RAB28: variants seen among roughly 807,000 people sequenced by gnomAD.
RAB28 encodes the protein ras-related protein Rab-28.
A neutral mutation model predicts 31.7 loss-of-function variants in RAB28; 24 were observed. That is an observed-to-expected ratio of 0.76 (90% CI 0.55 to 1.06). The LOEUF (loss-of-function observed/expected upper bound fraction) is 1.06. Ranked by LOEUF, RAB28 falls within the 50% of genes least tolerant of loss-of-function variation. The pLI is 0.00. For synonymous variants in RAB28, 100 were observed against 90.4 expected (o/e 1.11, Z -0.60); for missense variants, 254 against 258.5 (o/e 0.98, Z 0.12).
In RAB28 at chr4:13,457,578, G is replaced by A. The variant is rs1715363152; in HGVS notation, c.391+3121C>T. Among the ~76,000 whole-genome samples, 2 of 150,664 alleles carry A rather than the reference G, an allele frequency of 1.3e-5. 1 individual carries two copies. Among genetic ancestry groups the A allele is most frequent in the Middle Eastern group, 7.2e-3 (2 of 278 alleles). On this transcript the variant is annotated intron_variant, in intron 4 of 6. Coordinates refer to ENST00000330852, the MANE Select transcript of RAB28 (RefSeq NM_001017979.3). ...AGTGTATTATAAATACATACAAAGG[G>A]GTTATAGCTATGCCAAAAGTAAAAA...
chr4:13,468,279 A>AT (rs1715961724), intron 3 of RAB28, among the ~76,000 whole-genome samples: 1 of 151,986 alleles, frequency 6.6e-6, no homozygotes, highest in Non-Finnish European at 1.5e-5. Flanking sequence ...TATTCATTAG[A>AT]ATACGTACTA....
intron 3 of RAB28, among the ~76,000 whole-genome samples, chr4:13,467,078 A>AT (rs555866011): frequency 1.5e-4 from 23 of 151,404 alleles, no homozygotes; most frequent in Admixed American, 3.3e-4. Flanking sequence ...AGATATAAAG[A>AT]TTTTTTTTTG....
chr4:13,482,004 AAAG>A (rs757468949), intron 1 of RAB28, among the ~76,000 whole-genome samples: 216 of 152,270 alleles, frequency 1.4e-3, no homozygotes, highest in Non-Finnish European at 1.4e-3. Context: ...AAGAATAATG[AAAG>A]AAGGTTAGGT....
intron 3 of RAB28, among the ~76,000 whole-genome samples, chr4:13,469,024 A>G (rs1577244240): frequency 6.6e-6 from 1 of 151,968 alleles, no homozygotes; most frequent in Non-Finnish European, 1.5e-5. Context: ...CAGGGCCTCT[A>G]CTCACCAGCC....
At chr4:13,479,726 G>A (rs1199706553) in intron 1 of RAB28, among the ~76,000 whole-genome samples, 200 bp from the exon 2 acceptor site, 1 of 151,436 alleles carries the variant, frequency 6.6e-6, no homozygotes, top group Non-Finnish European at 1.5e-5. Context: ...TATCGGTAGG[G>A]ACAACGAACT....
intron 4 of RAB28, among the ~76,000 whole-genome samples, chr4:13,457,522 C>T (rs1461401452): frequency 6.6e-6 from 1 of 151,186 alleles, no homozygotes; most frequent in Non-Finnish European, 1.5e-5. Context: ...TGTGTGACTG[C>T]ATACACTAAT....
chr4:13,471,652 CCA>C (rs1353695243), intron 3 of RAB28, among the ~76,000 whole-genome samples: 1 of 152,000 alleles, frequency 6.6e-6, no homozygotes, highest in Non-Finnish European at 1.5e-5. Flanking sequence ...CAGGTGCCTG[CCA>C]CCATGACCTA....
intron 4 of RAB28, among the ~76,000 whole-genome samples, chr4:13,426,837 C>T (rs1347328587): frequency 6.6e-6 from 1 of 152,180 alleles, no homozygotes; most frequent in South Asian, 2.1e-4. Context: ...GTAACCTTTA[C>T]TCTCAAGATT....
intron 4 of RAB28, among the ~76,000 whole-genome samples, chr4:13,391,762 A>G (rs1030366765): frequency 1.6e-4 from 25 of 152,156 alleles, no homozygotes; most frequent in African/African-American, 6.0e-4. Flanking sequence ...GCAGGGACAC[A>G]GATGAAGCTG....
intron 4 of RAB28, among the ~76,000 whole-genome samples, chr4:13,395,098 T>C (rs888563673): frequency 6.6e-6 from 1 of 152,200 alleles, no homozygotes; most frequent in Non-Finnish European, 1.5e-5. Context: ...ACATCAACTT[T>C]AGGGATGAAT....
At chr4:13,431,948 T>C (rs913438833) in intron 4 of RAB28, among the ~76,000 whole-genome samples, 1 of 152,066 alleles carries the variant, frequency 6.6e-6, no homozygotes, top group Non-Finnish European at 1.5e-5. Context: ...CCTAACCAGA[T>C]TGAAATGTCT....
chr4:13,459,767 T>C (rs1715493984), intron 4 of RAB28: 2 of 1,109,268 alleles, frequency 1.8e-6, no homozygotes, highest in Non-Finnish European at 2.2e-6. Flanking sequence ...ACAATGCATA[T>C]AAAATTCCAA....
chr4:13,392,096 A>T (rs1301121256), intron 4 of RAB28, among the ~76,000 whole-genome samples: 2 of 152,158 alleles, frequency 1.3e-5, no homozygotes, highest in East Asian at 1.9e-4. Flanking sequence ...TAATTTTTTA[A>T]AAAATTCTGA....
intron 1 of RAB28, among the ~76,000 whole-genome samples, chr4:13,481,376 C>T (rs971325563): frequency 1.3e-5 from 2 of 152,034 alleles, no homozygotes; most frequent in Non-Finnish European, 2.9e-5. Flanking sequence ...CAGTGGGGGT[C>T]ACTTTCTCTT....
chr4:13,455,018 A>G (rs1389819533), intron 4 of RAB28, among the ~76,000 whole-genome samples: 1 of 152,162 alleles, frequency 6.6e-6, no homozygotes, highest in East Asian at 1.9e-4. Flanking sequence ...TGGCTAGCCT[A>G]GGAGGATATT....
At chr4:13,466,625 A>G (rs529572148) in intron 3 of RAB28, among the ~76,000 whole-genome samples, 1 of 152,014 alleles carries the variant, frequency 6.6e-6, no homozygotes, top group African/African-American at 2.4e-5. Flanking sequence ...ATTATGGGAA[A>G]CTGTATGGAG....
intron 6 of RAB28, among the ~76,000 whole-genome samples, chr4:13,372,274 C>G (rs1453777902): frequency 1.3e-5 from 2 of 152,012 alleles, no homozygotes; most frequent in Non-Finnish European, 2.9e-5. Context: ...GATTACAGAA[C>G]ACAATTTAAA....
chr4:13,449,038 G>A (rs1323164912), intron 4 of RAB28, among the ~76,000 whole-genome samples: 1 of 151,914 alleles, frequency 6.6e-6, no homozygotes, highest in Non-Finnish European at 1.5e-5. Flanking sequence ...TAAAAGAAAT[G>A]GTTAAAAGGG....
At chr4:13,426,603 A>C (rs1448493891) in intron 4 of RAB28, among the ~76,000 whole-genome samples, 1 of 152,158 alleles carries the variant, frequency 6.6e-6, no homozygotes. Context: ...TTTTATGGCT[A>C]TACCTTGAAA....
Sources: allele counts gnomAD v4.1 joint callset (sites outside exome capture counted in the v4.1 genomes callset), GRCh38; gene constraint gnomAD v4.1.1; transcripts MANE v1.5; gene names NCBI Gene and HGNC (gene_info 2026-07-23, HGNC 2026-07-21).